The following ATP10B variants were observed in gnomAD, a reference collection of about 807,000 sequenced individuals.
ATP10B encodes the protein phospholipid-transporting ATPase VB.
ATP10B carries 122 observed loss-of-function variants against 141.2 expected under a neutral mutation model. The ratio of observed to expected loss-of-function variants is 0.86; its 90% CI spans 0.75 to 1.00. The LOEUF is 1.00. Ranked by LOEUF, ATP10B falls within the 50% of genes least tolerant of loss-of-function variation. The pLI is 0.00. For synonymous variants in ATP10B, 685 were observed against 692.0 expected (o/e 0.99, Z 0.16); for missense variants, 1,876 against 1,825.3 (o/e 1.03, Z -0.51).
intron 22 of ATP10B, among the ~76,000 whole-genome samples, 178 bp downstream of exon 22, chr5:160,598,592 G>T (rs1428109361): frequency 6.6e-6 from 1 of 152,010 alleles, no homozygotes; most frequent in South Asian, 2.1e-4. Flanking sequence ...ACCCTCAATA[G>T]CAAGTAAGAA....
chr5:160,766,790 C>A (rs1352769080), intron 2 of ATP10B, among the ~76,000 whole-genome samples: 1 of 152,158 alleles, frequency 6.6e-6, no homozygotes, highest in East Asian at 1.9e-4. Flanking sequence ...AAATAATCAT[C>A]CCTTAAGTTA....
intron 1 of ATP10B, among the ~76,000 whole-genome samples, chr5:160,843,869 A>G (rs1369183249): frequency 6.6e-6 from 1 of 151,954 alleles, no homozygotes; most frequent in East Asian, 1.9e-4. Context: ...ATTTGGGGTT[A>G]TTTTTTAGCT....
the ATP10B span, among the ~76,000 whole-genome samples, chr5:160,927,025 C>A: frequency 1.5e-3 from 221 of 152,320 alleles, 2 homozygotes; most frequent in African/African-American, 5.2e-3. Context: ...AACAACCTCA[C>A]ATGCTATAGA....
At chr5:160,835,383 G>C (rs1256309829) in intron 1 of ATP10B, among the ~76,000 whole-genome samples, 1 of 152,116 alleles carries the variant, frequency 6.6e-6, no homozygotes, top group Non-Finnish European at 1.5e-5. Context: ...CTACAGGGGA[G>C]AGGGGAGTAG....
chr5:160,873,341 A>T, the ATP10B span, among the ~76,000 whole-genome samples: 8 of 152,192 alleles, frequency 5.3e-5, no homozygotes, highest in Non-Finnish European at 1.0e-4. Context: ...GAACAAGGCA[A>T]GGTTATTCCA....
chr5:160,783,907 AT>A (rs1022452340), intron 2 of ATP10B, among the ~76,000 whole-genome samples: 8 of 151,860 alleles, frequency 5.3e-5, no homozygotes, highest in Non-Finnish European at 8.8e-5. Context: ...TTGTTTTTTC[AT>A]TTTTTGATTA....
intron 2 of ATP10B, among the ~76,000 whole-genome samples, chr5:160,717,295 T>C (rs1765718991): frequency 6.6e-6 from 1 of 152,080 alleles, no homozygotes; most frequent in African/African-American, 2.4e-5. Context: ...TCAAAGAAAA[T>C]CTAAAACAAA....
chr5:160,615,392 C>A (rs1376180355), intron 17 of ATP10B, among the ~76,000 whole-genome samples: 1 of 151,370 alleles, frequency 6.6e-6, no homozygotes, highest in Non-Finnish European at 1.5e-5. Flanking sequence ...TCCCACCAGG[C>A]CCATCTGCTA....
At chr5:160,826,367 A>C (rs1034880638) in intron 1 of ATP10B, among the ~76,000 whole-genome samples, 2 of 152,192 alleles carry the variant, frequency 1.3e-5, no homozygotes, top group African/African-American at 4.8e-5. Context: ...TAAATCGTGA[A>C]GATTTCATGG....
At chr5:160,659,322 G>A (rs1291620230) in intron 7 of ATP10B, among the ~76,000 whole-genome samples, 5 of 151,902 alleles carry the variant, frequency 3.3e-5, no homozygotes, top group African/African-American at 7.3e-5. Flanking sequence ...AAAATTAGCC[G>A]GGTATGGTAG....
intron 21 of ATP10B, 111 bp from the exon 22 acceptor site, chr5:160,599,081 A>C: frequency 1.2e-6 from 1 of 858,178 alleles, no homozygotes; most frequent in Non-Finnish European, 1.9e-6. Context: ...CATTTATAAC[A>C]CACAGGGTTA....
At chr5:160,869,040 G>A in the ATP10B span, among the ~76,000 whole-genome samples, 1 of 152,080 alleles carries the variant, frequency 6.6e-6, no homozygotes, top group South Asian at 2.1e-4. Context: ...TTTGACCTTT[G>A]AAAGCTACTT....
chr5:160,859,218 T>A, the ATP10B span, among the ~76,000 whole-genome samples: 2 of 151,922 alleles, frequency 1.3e-5, no homozygotes, highest in Non-Finnish European at 2.9e-5. Context: ...AAAGGATGTT[T>A]TTACTGGGTA....
intron 22 of ATP10B, among the ~76,000 whole-genome samples, chr5:160,591,439 C>T (rs915138690): frequency 5.3e-5 from 8 of 152,178 alleles, no homozygotes; most frequent in Non-Finnish European, 1.0e-4. Context: ...TGCAATTGTG[C>T]CTACCTAGTA....
At chr5:160,858,188 C>T in the ATP10B span, among the ~76,000 whole-genome samples, 1 of 151,672 alleles carries the variant, frequency 6.6e-6, no homozygotes, top group East Asian at 1.9e-4. Flanking sequence ...TTGTGTCTCC[C>T]TGGTGGATTG....
At chr5:160,593,721 C>A (rs1389895568) in intron 22 of ATP10B, among the ~76,000 whole-genome samples, 1 of 152,152 alleles carries the variant, frequency 6.6e-6, no homozygotes, top group African/African-American at 2.4e-5. Flanking sequence ...CTTAAAGGAG[C>A]TGATGGAGCT....
At chr5:160,799,985 G>T (rs1251862669) in intron 1 of ATP10B, among the ~76,000 whole-genome samples, 1 of 152,146 alleles carries the variant, frequency 6.6e-6, no homozygotes, top group Non-Finnish European at 1.5e-5. Context: ...ACCAAATGTT[G>T]CATATTCTTC....
rs2127644682 is a variant in ATP10B at position 160,617,681 on chromosome 5, C to T, written c.2526+183G>A. Among the ~76,000 whole-genome samples the T allele has an allele frequency of 2.0e-5, 3 of 152,326 alleles. No homozygotes were observed. The South Asian group carries it at 6.2e-4, about 32-fold the overall frequency. On this transcript the variant is annotated intron_variant, in intron 16 of 25. Coordinates refer to ENST00000327245, the MANE Select transcript of ATP10B (RefSeq NM_025153.3). ...AGCCACACTGATATGGGACCTAGCT[C>T]TTCAGATTTTGGCTTCCACAAAATT...
intron 13 of ATP10B, among the ~76,000 whole-genome samples, chr5:160,629,838 G>A (rs529143828): frequency 2.6e-5 from 4 of 152,282 alleles, no homozygotes; most frequent in Non-Finnish European, 5.9e-5. Flanking sequence ...TAGACTCCAC[G>A]TGTGCCTAAT....
Sources: allele counts gnomAD v4.1 joint callset (sites outside exome capture counted in the v4.1 genomes callset), GRCh38; gene constraint gnomAD v4.1.1; transcripts MANE v1.5; gene names NCBI Gene and HGNC (gene_info 2026-07-23, HGNC 2026-07-21).